The following NR3C2 variants were observed in gnomAD, a reference collection of about 807,000 sequenced individuals.
The protein encoded by NR3C2 is mineralocorticoid receptor.
NR3C2 carries 15 observed loss-of-function variants against 86.4 expected under a neutral mutation model. The observed-to-expected ratio is 0.17, with a 90% CI of 0.12 to 0.27. The LOEUF is 0.27. Ranked by LOEUF, NR3C2 falls within the 10% of genes least tolerant of loss-of-function variation. The pLI is 1.00. For missense variants in NR3C2, 960 were observed against 1,195.6 expected (o/e 0.80, Z 2.91); for synonymous variants, 458 against 450.5 (o/e 1.02, Z -0.21).
At chr4:148,209,733 T>C (rs1737189983) in intron 3 of NR3C2, among the ~76,000 whole-genome samples, 1 of 152,172 alleles carries the variant, frequency 6.6e-6, no homozygotes, top group Admixed American at 6.5e-5. Flanking sequence ...AGAAGCCAAT[T>C]AGGGCTAGGA....
chr4:148,204,840 G>C (rs957295181), intron 3 of NR3C2, among the ~76,000 whole-genome samples: 1 of 152,122 alleles, frequency 6.6e-6, no homozygotes, highest in Admixed American at 6.6e-5. Flanking sequence ...TTTACATACT[G>C]CCTGATCCAC....
At chr4:148,416,513 G>A (rs567336572) in intron 2 of NR3C2, among the ~76,000 whole-genome samples, 1 of 152,296 alleles carries the variant, frequency 6.6e-6, no homozygotes, top group East Asian at 1.9e-4. Flanking sequence ...TGGTAAAACT[G>A]AGGACACCTG....
intron 2 of NR3C2, among the ~76,000 whole-genome samples, chr4:148,306,850 G>A (rs1742653047): frequency 6.6e-6 from 1 of 152,090 alleles, no homozygotes. Context: ...CAAATGAAAT[G>A]ATAAAAGGAA....
intron 2 of NR3C2, among the ~76,000 whole-genome samples, chr4:148,373,861 T>C (rs868675994): frequency 3.3e-5 from 5 of 152,188 alleles, no homozygotes; most frequent in African/African-American, 9.7e-5. Flanking sequence ...AGGATATATC[T>C]GTGAAACAGA....
At chr4:148,145,590 T>C (rs1733828419) in intron 6 of NR3C2, among the ~76,000 whole-genome samples, 1 of 152,214 alleles carries the variant, frequency 6.6e-6, no homozygotes, top group Admixed American at 6.5e-5. Context: ...GAGGCAAGAA[T>C]TGAGGTTGCT....
chr4:148,295,112 A>T (rs1741984283), intron 2 of NR3C2, among the ~76,000 whole-genome samples: 1 of 152,214 alleles, frequency 6.6e-6, no homozygotes, highest in South Asian at 2.1e-4. Context: ...ATCTACCAAA[A>T]TAATGAAAAC....
At chr4:148,212,358 C>T (rs1395144799) in intron 3 of NR3C2, among the ~76,000 whole-genome samples, 1 of 152,224 alleles carries the variant, frequency 6.6e-6, no homozygotes, top group Non-Finnish European at 1.5e-5. Context: ...CCTCATGGAA[C>T]CTACATGGCT....
intron 3 of NR3C2, among the ~76,000 whole-genome samples, chr4:148,221,115 G>A (rs113849941): frequency 4.9e-4 from 75 of 152,316 alleles, no homozygotes; most frequent in African/African-American, 1.7e-3. Context: ...CAAACAGACC[G>A]CCTCTGCGAT....
chr4:148,198,457 G>C (rs1035049923), intron 3 of NR3C2, among the ~76,000 whole-genome samples: 1 of 152,056 alleles, frequency 6.6e-6, no homozygotes. Context: ...GTAGAAAAAC[G>C]AAGGGCAGGG....
chr4:148,420,094 T>C (rs1342016390), intron 2 of NR3C2, among the ~76,000 whole-genome samples: 5 of 152,126 alleles, frequency 3.3e-5, no homozygotes, highest in Non-Finnish European at 7.4e-5. Context: ...GCAACACCCC[T>C]ACTTAAGGCT....
chr4:148,250,957 G>A (rs146368512), intron 3 of NR3C2, among the ~76,000 whole-genome samples: 1,845 of 151,260 alleles, frequency 0.012, 43 homozygotes, highest in African/African-American at 0.043. Context: ...TCTTTTTTTT[G>A]GGGGGGAGTG....
intron 2 of NR3C2, among the ~76,000 whole-genome samples, chr4:148,346,249 T>C (rs1487607923): frequency 6.6e-6 from 1 of 152,108 alleles, no homozygotes; most frequent in African/African-American, 2.4e-5. Context: ...AACATTGTGT[T>C]ATGGCAAGAA....
chr4:148,268,988 T>A (rs1740532567), intron 2 of NR3C2, among the ~76,000 whole-genome samples: 1 of 152,172 alleles, frequency 6.6e-6, no homozygotes, highest in Admixed American at 6.5e-5. Flanking sequence ...TTGAAAAACA[T>A]GTTCGACAAG....
chr4:148,310,243 C>A (rs553037928), intron 2 of NR3C2, among the ~76,000 whole-genome samples: 1 of 152,162 alleles, frequency 6.6e-6, no homozygotes, highest in Non-Finnish European at 1.5e-5. Context: ...ACCTGGTGCT[C>A]ATTTCATCAT....
At chr4:148,113,757 C>T (rs1480119225) in intron 8 of NR3C2, among the ~76,000 whole-genome samples, 2 of 152,130 alleles carry the variant, frequency 1.3e-5, no homozygotes, top group Non-Finnish European at 2.9e-5. Flanking sequence ...AATCCCTGGC[C>T]CATTCTTTGG....
chr4:148,402,786 C>T (rs28639664), intron 2 of NR3C2, among the ~76,000 whole-genome samples: 15,782 of 152,072 alleles, frequency 0.1, 975 homozygotes, highest in Middle Eastern at 0.31. Context: ...TTAAAACATA[C>T]ACATACAATG....
chr4:148,173,165 T>C (rs1735214215), intron 4 of NR3C2, among the ~76,000 whole-genome samples: 1 of 152,040 alleles, frequency 6.6e-6, no homozygotes, highest in Admixed American at 6.5e-5. Context: ...GGGAATGAGG[T>C]GGGTGACAGA....
At chr4:148,275,821 T>C (rs1250741572) in intron 2 of NR3C2, among the ~76,000 whole-genome samples, 1 of 152,142 alleles carries the variant, frequency 6.6e-6, no homozygotes, top group East Asian at 1.9e-4. Context: ...GGAAAAAAAC[T>C]GGAGTTCCCA....
At chr4:148,302,782 G>A (rs1742404900) in intron 2 of NR3C2, among the ~76,000 whole-genome samples, 2 of 149,158 alleles carry the variant, frequency 1.3e-5, no homozygotes, top group South Asian at 4.2e-4. Flanking sequence ...GGAGGCAGAG[G>A]TTGTAGTGAG....
Sources: allele counts gnomAD v4.1 joint callset (sites outside exome capture counted in the v4.1 genomes callset), GRCh38; gene constraint gnomAD v4.1.1; transcripts MANE v1.5; gene names NCBI Gene and HGNC (gene_info 2026-07-23, HGNC 2026-07-21).